The following ANKRD55 variants were observed in gnomAD, a reference collection of about 807,000 sequenced individuals.
ANKRD55 encodes ankyrin repeat domain-containing protein 55.
A neutral mutation model predicts 60.6 loss-of-function variants in ANKRD55; 41 were observed. That is an observed-to-expected ratio of 0.68 (90% CI 0.53 to 0.88). The LOEUF (loss-of-function observed/expected upper bound fraction) is 0.88. ANKRD55 is among the 40% of genes least tolerant of loss of function. The pLI, the probability that ANKRD55 is intolerant of heterozygous loss-of-function variation, is 0.00. For missense variants in ANKRD55, 732 were observed against 767.6 expected, an observed-to-expected ratio of 0.95 and a Z score of 0.55; for synonymous variants, 264 against 290.3, an observed-to-expected ratio of 0.91 and a Z score of 0.92.
chr5:56,184,798 C>T (rs1048318712), intron 2 of ANKRD55, among the ~76,000 whole-genome samples: 3 of 151,470 alleles, frequency 2.0e-5, no homozygotes, highest in Admixed American at 6.6e-5. Context: ...CTCAGGAGGC[C>T]GAGGCAGGAG....
At chr5:56,116,851 A>G in intron 8 of ANKRD55, 69 bp from the exon 9 acceptor site, 2 of 1,427,792 alleles carry the variant, frequency 1.4e-6, no homozygotes, top group South Asian at 1.5e-5. Flanking sequence ...TTAGCCAGCA[A>G]CAGCTCCTGC....
chr5:56,159,740 T>C (rs1758278783), intron 6 of ANKRD55, 93 bp downstream of exon 6: 1 of 1,258,884 alleles, frequency 7.9e-7, no homozygotes, highest in Non-Finnish European at 1.2e-6. Context: ...TGTCTCCCCG[T>C]AGCTTTTAAG....
intron 7 of ANKRD55, chr5:56,137,124 G>A: frequency 8.0e-7 from 1 of 1,254,836 alleles, no homozygotes; most frequent in Non-Finnish European, 1.2e-6. Context: ...GTATCTGAAA[G>A]ATGTCACTTT....
intron 2 of ANKRD55, among the ~76,000 whole-genome samples, chr5:56,231,568 A>G (rs995744031): frequency 2.2e-4 from 33 of 151,746 alleles, no homozygotes; most frequent in Non-Finnish European, 4.7e-4. Flanking sequence ...GGAGGAGAGG[A>G]TGGTGGTGGG....
intron 2 of ANKRD55, among the ~76,000 whole-genome samples, chr5:56,190,275 T>C (rs1759063120): frequency 1.3e-5 from 2 of 152,242 alleles, no homozygotes; most frequent in South Asian, 4.1e-4. Flanking sequence ...ATTCTGTGGG[T>C]TGCCTTTTCA....
At chr5:56,200,808 TG>T (rs1051907090) in intron 2 of ANKRD55, among the ~76,000 whole-genome samples, 7 of 152,198 alleles carry the variant, frequency 4.6e-5, no homozygotes, top group Non-Finnish European at 8.8e-5. Context: ...AGGCTTTCTT[TG>T]GTTTATTCTA....
intron 10 of ANKRD55, among the ~76,000 whole-genome samples, chr5:56,106,996 A>G (rs1756501691): frequency 6.9e-6 from 1 of 144,540 alleles, no homozygotes; most frequent in East Asian, 2.1e-4. Context: ...TGGGTGACAG[A>G]TCCTATCTCT....
intron 2 of ANKRD55, among the ~76,000 whole-genome samples, chr5:56,202,183 G>A (rs576061066): frequency 6.6e-6 from 1 of 152,194 alleles, no homozygotes; most frequent in African/African-American, 2.4e-5. Context: ...TCAGGAAGAA[G>A]AGCTAATAGA....
chr5:56,113,963 A>G (rs1269356743), intron 9 of ANKRD55, among the ~76,000 whole-genome samples: 1 of 147,160 alleles, frequency 6.8e-6, no homozygotes, highest in Non-Finnish European at 1.5e-5. Flanking sequence ...CTGACTAGGT[A>G]TATTTATATC....
chr5:56,137,098 T>C (rs1418667474), intron 7 of ANKRD55: 16 of 1,033,932 alleles, frequency 1.5e-5, no homozygotes, highest in Non-Finnish European at 2.1e-5. Context: ...GGTAGGCATA[T>C]ATGAAAAGCC....
intron 8 of ANKRD55, among the ~76,000 whole-genome samples, chr5:56,122,772 C>T (rs932850585): frequency 3.3e-5 from 5 of 151,560 alleles, no homozygotes; most frequent in Admixed American, 2.0e-4. Flanking sequence ...GGCAAGTTGA[C>T]ATTCCTTTTT....
At chr5:56,128,194 T>C (rs1187595828) in intron 7 of ANKRD55, among the ~76,000 whole-genome samples, 1 of 152,204 alleles carries the variant, frequency 6.6e-6, no homozygotes, top group African/African-American at 2.4e-5. Context: ...ACAATTCTTT[T>C]TTGTTTACAA....
In ANKRD55 at chr5:56,111,478, GC is replaced by G. The variant is rs1262009431; in HGVS notation, c.1269del (p.Leu424TrpfsTer24). The G allele has an allele frequency of 1.2e-6, 2 of 1,614,074 alleles. No homozygotes were observed. The highest frequency in any genetic ancestry group is 1.7e-6 in the Non-Finnish European group (2 of 1,180,046). ...NSKYLLPEKK[P>X]LARKGLPPIR... Reference sequence around the variant, plus strand: ...ATTGGTGGAAGCCCCTTACGGGCCAGCGGTTTCTTTTCTGGTAAGAGATATT... The same window carrying G: ...ATTGGTGGAAGCCCCTTACGGGCCAGGGTTTCTTTTCTGGTAAGAGATATT... On this transcript the variant is annotated frameshift_variant, in exon 10 of 12. Transcript: ENST00000341048. LOFTEE classifies it high-confidence loss of function.
At chr5:56,166,155 TTCTTTCCTTCC>T (rs1435444717) in intron 5 of ANKRD55, among the ~76,000 whole-genome samples, 3 of 50,474 alleles carry the variant, frequency 5.9e-5, no homozygotes, top group African/African-American at 2.3e-4. Flanking sequence ...TCTTTCTTTC[TTCTTTCCTTCC>T]TTCCTTCCTT....
intron 2 of ANKRD55, among the ~76,000 whole-genome samples, chr5:56,217,814 T>G (rs149780257): frequency 0.099 from 14,899 of 151,094 alleles, 1,297 homozygotes; most frequent in African/African-American, 0.24. Context: ...GAGAATGGCA[T>G]GAACCCAGGC....
chr5:56,193,207 TG>T, intron 2 of ANKRD55: 1 of 903,458 alleles, frequency 1.1e-6, no homozygotes, highest in Non-Finnish European at 1.7e-6. Context: ...AAGAAAGCCT[TG>T]AAAAGATTTC....
chr5:56,159,967 A>G, intron 5 of ANKRD55, 74 bp from the exon 6 acceptor site: 3 of 1,342,490 alleles, frequency 2.2e-6, no homozygotes, highest in Middle Eastern at 1.8e-4. Context: ...GTATAAAAAC[A>G]TGACCTTAGA....
At chr5:56,118,764 T>C (rs750594385) in intron 8 of ANKRD55, among the ~76,000 whole-genome samples, 1 of 152,162 alleles carries the variant, frequency 6.6e-6, no homozygotes, top group Non-Finnish European at 1.5e-5. Context: ...ATATGGATGG[T>C]AAATAAGCAC....
chr5:56,227,941 A>G (rs1036485072), intron 2 of ANKRD55, among the ~76,000 whole-genome samples: 1 of 152,148 alleles, frequency 6.6e-6, no homozygotes, highest in Non-Finnish European at 1.5e-5. Context: ...CACCAAACAG[A>G]TGCTCCCCGC....
Sources: gnomAD v4.1 joint callset for allele counts (sites outside exome capture counted in the v4.1 genomes callset) on GRCh38, gnomAD v4.1.1 for gene constraint, MANE v1.5 for transcripts, NCBI Gene and HGNC (gene_info 2026-07-23, HGNC 2026-07-21) for gene names.